Variants in PRKD1 observed in about 807,000 individuals in gnomAD.
The protein encoded by PRKD1 is protein kinase D1.
PRKD1 carries 63 observed loss-of-function variants against 95.9 expected under a neutral mutation model. That is an observed-to-expected ratio of 0.66 (90% confidence interval 0.54 to 0.81). The LOEUF is 0.81. Ranked by LOEUF, PRKD1 falls within the 30% of genes least tolerant of loss-of-function variation. The pLI is 0.00. For synonymous variants in PRKD1, 425 were observed against 423.1 expected, an observed-to-expected ratio of 1.00 and a Z score of -0.05; for missense variants, 1,048 against 1,165.3, an observed-to-expected ratio of 0.90 and a Z score of 1.47.
At chr14:29,672,289 C>G (rs1004326990) in intron 2 of PRKD1, among the ~76,000 whole-genome samples, 2 of 151,000 alleles carry the variant, frequency 1.3e-5, no homozygotes, top group African/African-American at 4.9e-5. Context: ...TGCAGTGAGC[C>G]GAGATCGTGC....
chr14:29,689,040 G>C (rs1325893341), intron 2 of PRKD1, among the ~76,000 whole-genome samples: 2 of 150,868 alleles, frequency 1.3e-5, no homozygotes, highest in Non-Finnish European at 3.0e-5. Context: ...TACCATTCAG[G>C]ATATAGGCAC....
At chr14:29,839,538 G>C (rs1891747361) in intron 1 of PRKD1, among the ~76,000 whole-genome samples, 2 of 152,058 alleles carry the variant, frequency 1.3e-5, no homozygotes, top group Non-Finnish European at 2.9e-5. Context: ...GAGGACGGTG[G>C]CCCTCTTCTC....
At chr14:29,772,877 CAA>C (rs1888572837) in intron 1 of PRKD1, among the ~76,000 whole-genome samples, 1 of 152,166 alleles carries the variant, frequency 6.6e-6, no homozygotes, top group Non-Finnish European at 1.5e-5. Context: ...CAACTGATAA[CAA>C]GACTCTTCTT....
At chr14:29,666,905 G>C (rs1882551424) in intron 2 of PRKD1, among the ~76,000 whole-genome samples, 1 of 151,992 alleles carries the variant, frequency 6.6e-6, no homozygotes, top group South Asian at 2.1e-4. Context: ...GGAACTTTTT[G>C]GTGTTGCTTA....
intron 1 of PRKD1, among the ~76,000 whole-genome samples, chr14:29,908,395 G>C (rs575018038): frequency 5.3e-5 from 8 of 152,148 alleles, no homozygotes; most frequent in African/African-American, 1.9e-4. Context: ...CCAGGTTCAA[G>C]AGATTCTTCT....
intron 1 of PRKD1, among the ~76,000 whole-genome samples, chr14:29,831,484 T>G (rs1891411531): frequency 6.6e-6 from 1 of 151,696 alleles, no homozygotes; most frequent in South Asian, 2.1e-4. Context: ...TTGTTTGTTT[T>G]TTGAGATGGA....
intron 3 of PRKD1, among the ~76,000 whole-genome samples, chr14:29,664,981 T>G (rs1882403442): frequency 6.6e-6 from 1 of 152,222 alleles, no homozygotes; most frequent in Admixed American, 6.5e-5. Context: ...AATTTTATTT[T>G]TAGTCGGCTG....
chr14:29,915,373 T>C (rs1894855803), intron 1 of PRKD1, among the ~76,000 whole-genome samples: 1 of 152,164 alleles, frequency 6.6e-6, no homozygotes, highest in Non-Finnish European at 1.5e-5. Context: ...CAAACAGAAA[T>C]ATATTTCAAA....
chr14:29,649,347 A>G (rs112161481), intron 4 of PRKD1, among the ~76,000 whole-genome samples: 6,040 of 152,010 alleles, frequency 0.04, 363 homozygotes, highest in African/African-American at 0.13. Flanking sequence ...TTGCAAAACC[A>G]GTTTTTCCTG....
chr14:29,769,320 G>A (rs1156708437), intron 1 of PRKD1, among the ~76,000 whole-genome samples: 1 of 151,888 alleles, frequency 6.6e-6, no homozygotes, highest in Non-Finnish European at 1.5e-5. Context: ...TGTAATCCCG[G>A]CACTTTAGGA....
At chr14:29,802,091 G>T (rs920584663) in intron 1 of PRKD1, among the ~76,000 whole-genome samples, 8 of 151,926 alleles carry the variant, frequency 5.3e-5, no homozygotes, top group African/African-American at 1.5e-4. Flanking sequence ...AAGGAGCGAA[G>T]GAAGAAAGGA....
intron 4 of PRKD1, among the ~76,000 whole-genome samples, chr14:29,644,894 A>C (rs775452742): frequency 2.6e-4 from 39 of 151,972 alleles, no homozygotes; most frequent in Non-Finnish European, 5.6e-4. Flanking sequence ...ATTTTATACA[A>C]CTATTTATAC....
chr14:29,912,896 T>C (rs1362906497), intron 1 of PRKD1, among the ~76,000 whole-genome samples: 1 of 152,206 alleles, frequency 6.6e-6, no homozygotes, highest in African/African-American at 2.4e-5. Flanking sequence ...GTTTAACTAC[T>C]TGAATTAATA....
intron 6 of PRKD1, among the ~76,000 whole-genome samples, 197 bp from the exon 7 acceptor site, chr14:29,636,691 T>TA (rs1880406354): frequency 6.6e-6 from 1 of 152,202 alleles, no homozygotes; most frequent in African/African-American, 2.4e-5. Context: ...TAAACTTGTG[T>TA]CATGGGGGTT....
chr14:29,921,631 T>C (rs1183078824), intron 1 of PRKD1, among the ~76,000 whole-genome samples: 3 of 152,148 alleles, frequency 2.0e-5, no homozygotes, highest in Non-Finnish European at 1.5e-5. Context: ...AATAAATTAG[T>C]GAAGACTTAT....
At chr14:29,666,006 T>C in intron 3 of PRKD1, 71 bp downstream of exon 3, 1 of 1,453,282 alleles carries the variant, frequency 6.9e-7, no homozygotes. Flanking sequence ...ATCTTTGCAA[T>C]TGTGAATTCT....
At chr14:29,846,944 CAA>C (rs1196247468) in intron 1 of PRKD1, among the ~76,000 whole-genome samples, 1 of 152,152 alleles carries the variant, frequency 6.6e-6, no homozygotes, top group East Asian at 1.9e-4. Context: ...CCACAGCTCC[CAA>C]GTTTAAACAT....
chr14:29,756,973 G>A (rs540010826), intron 1 of PRKD1, among the ~76,000 whole-genome samples: 1 of 152,260 alleles, frequency 6.6e-6, no homozygotes, highest in African/African-American at 2.4e-5. Flanking sequence ...TTTATAAACT[G>A]TGTGTTTTTA....
At chr14:29,777,258 A>G (rs1888806669) in intron 1 of PRKD1, among the ~76,000 whole-genome samples, 1 of 152,230 alleles carries the variant, frequency 6.6e-6, no homozygotes, top group African/African-American at 2.4e-5. Context: ...ATAACCAGCT[A>G]AATCATAATG....
Sources: gnomAD v4.1 joint callset for allele counts (sites outside exome capture counted in the v4.1 genomes callset) on GRCh38, gnomAD v4.1.1 for gene constraint, MANE v1.5 for transcripts, NCBI Gene and HGNC (gene_info 2026-07-23, HGNC 2026-07-21) for gene names.